Variants in GOLGA6B observed in about 807,000 individuals in gnomAD.
The protein encoded by GOLGA6B is golgin A6 family member B.
Under a neutral mutation model 63.0 loss-of-function variants are expected in GOLGA6B, and 11 were observed. That is an observed-to-expected ratio of 0.17 (90% CI 0.11 to 0.29). The LOEUF (loss-of-function observed/expected upper bound fraction) is 0.29, where lower values mean the gene tolerates loss of function less well. GOLGA6B is among the 10% of genes least tolerant of loss of function. The pLI, the probability that GOLGA6B is intolerant of heterozygous loss-of-function variation, is 1.00. For missense variants in GOLGA6B, 134 were observed against 563.8 expected, an observed-to-expected ratio of 0.24 and a Z score of 7.72; for synonymous variants, 46 against 232.6, an observed-to-expected ratio of 0.20 and a Z score of 7.30.
chr15:72,664,722 G>C, intron 13 of GOLGA6B: 1 of 552,056 alleles, frequency 1.8e-6, no homozygotes, highest in Admixed American at 3.2e-5. Context: ...GACCAGATCA[G>C]AAAGGGAGCA....
At chr15:72,657,401 C>A (rs1020324931) in intron 2 of GOLGA6B, among the ~76,000 whole-genome samples, 13 of 151,462 alleles carry the variant, frequency 8.6e-5, no homozygotes, top group African/African-American at 3.2e-4. Flanking sequence ...ACTTTTCCAT[C>A]TATTTTTTTC....
chr15:72,662,116 G>C (rs1196908471), intron 10 of GOLGA6B, 136 bp from the exon 11 acceptor site: 11 of 897,594 alleles, frequency 1.2e-5, no homozygotes, highest in Admixed American at 3.3e-5. Flanking sequence ...GGAATGATTA[G>C]CAGTGAGGCC....
chr15:72,660,487 G>A (rs2064590239), intron 7 of GOLGA6B, among the ~76,000 whole-genome samples: 1 of 28,018 alleles, frequency 3.6e-5, no homozygotes, highest in Non-Finnish European at 6.6e-5. Flanking sequence ...CCTGGCTGTG[G>A]CCTTGGCCAA....
At position 72,669,216 on chromosome 15, in the gene GOLGA6B, T is replaced by C. The variant is rs1454139556; in HGVS notation, c.*2874T>C. ...AAGTCAGTTCTAAAACCAAAGCTGA[T>C]ATTTAGAAAATGTGAAAATGTAAAT... On this transcript the variant is annotated 3_prime_UTR_variant, in exon 18 of 18. Transcript: ENST00000421285. Among the ~76,000 whole-genome samples the C allele has an allele frequency of 3.9e-5, 6 of 152,402 alleles. No homozygotes were observed. The highest frequency in any genetic ancestry group is 1.4e-4 in the African/African-American group (6 of 41,604).
At chr15:72,665,218 G>T (rs1289461937) in intron 14 of GOLGA6B, among the ~76,000 whole-genome samples, 183 bp downstream of exon 14, 1 of 121,840 alleles carries the variant, frequency 8.2e-6, no homozygotes, top group East Asian at 3.3e-4. Context: ...AAGGGAAGGG[G>T]TTGTTCTCCA....
rs1166575005 is a variant in GOLGA6B at position 72,662,537 on chromosome 15, G to A, written c.1133G>A (p.Gly378Asp). The A allele has an allele frequency of 6.2e-6, 9 of 1,457,520 alleles. 1 individual carries two copies. In the African/African-American group the frequency reaches 7.3e-5, roughly 12 times the overall value. The allele number at this position is 1,457,520 out of a possible 1,614,324, so 90.3% of individuals were successfully genotyped here. A position where few individuals can be genotyped will look rare whatever the true frequency, so the allele number is the denominator to read the frequency against. Residue 378 changes from glycine (G) to aspartate (D), a missense_variant, in exon 11 of 18, where the codon GGT becomes GAT. Transcript: ENST00000421285. ...REQQKTLQEQ[G>D]ERLRKQEQRL... Reference sequence around the variant, plus strand: ...CAGCAGAAGACGCTACAGGAGCAGGGTGAGAGGCTGCGAAAGCAGGAGCAG... The same window carrying A: ...CAGCAGAAGACGCTACAGGAGCAGGATGAGAGGCTGCGAAAGCAGGAGCAG...
rs1478659714 is a variant in GOLGA6B at position 72,664,028 on chromosome 15, C to T, written c.1426-408C>T. ...TGGAGCAAGGGACCAGGGTCCTGGG[C>T]AGGTGACAGAGCCCCACGGTGCCCT... On this transcript the variant is annotated intron_variant, in intron 12 of 17. Transcript: ENST00000421285. Among the ~76,000 whole-genome samples, 4 of 129,714 alleles carry T rather than the reference C, an allele frequency of 3.1e-5. 2 individuals are homozygous for T. The highest frequency in any genetic ancestry group is 6.9e-5 in the Non-Finnish European group (4 of 57,644). The allele number at this position is 129,714 out of a possible 152,430, so 85.1% of individuals were successfully genotyped here.
chr15:72,663,955 G>C lies in GOLGA6B; in HGVS notation c.1426-481G>C, dbSNP rs1219420028. Among the ~76,000 whole-genome samples the C allele has an allele frequency of 9.2e-5, 12 of 130,384 alleles. 1 individual carries two copies. Among genetic ancestry groups the C allele is most frequent in the African/African-American group, 3.2e-4 (12 of 37,848 alleles). 85.5% of individuals were successfully genotyped at this position (130,384 alleles called of 152,430 possible). A position where few individuals can be genotyped will look rare whatever the true frequency, so the allele number is the denominator to read the frequency against. On this transcript the variant is annotated intron_variant, in intron 12 of 17. Transcript: ENST00000421285. ...GAAGAAGGACATGAGATTTGAGGCT[G>C]GGGAAGGAGGTATGGGGTTCTAGGC...
rs1420769250 is a variant in GOLGA6B, at chr15:72,662,172, T to C, written c.848-80T>C. ...GAGCTGTGCATCAAGAGGAGGTTTT[T>C]TTTTTTTTTTTTTTTGAGGGGGATG... On this transcript the variant is annotated intron_variant, in intron 10 of 17. Transcript: ENST00000421285. 35 of 1,293,812 alleles carry C rather than the reference T, an allele frequency of 2.7e-5. 1 individual carries two copies. The East Asian group carries it at 8.8e-4, about 32-fold the overall frequency. The allele number at this position is 1,293,812 out of a possible 1,614,324, so 80.1% of individuals were successfully genotyped here.
At chr15:72,657,297 G>A (rs1363835523) in intron 2 of GOLGA6B, among the ~76,000 whole-genome samples, 1 of 115,790 alleles carries the variant, frequency 8.6e-6, no homozygotes, top group African/African-American at 3.3e-5. Flanking sequence ...CAGATTCATC[G>A]CCCATGTCCT....
chr15:72,666,271 G>T lies in GOLGA6B; in HGVS notation c.2011G>T (p.Glu671Ter), dbSNP rs2064639359. 6.3e-7 allele frequency: 1 copy of T among 1,599,048 alleles called. No individual in the cohort carries two copies. The highest frequency in any genetic ancestry group is 8.5e-7 in the Non-Finnish European group (1 of 1,175,268). The change falls in exon 18 of 18, where the codon GAG (glutamate) becomes TAG (stop). Residue 671 changes from glutamate (E) to a stop codon, truncating the protein, a stop_gained. Coordinates refer to ENST00000421285, the MANE Select transcript of GOLGA6B (RefSeq NM_018652.5). LOFTEE classifies it low-confidence loss of function (END_TRUNC). ...GGAGCCTGCACCAGGAGCGGCCAGG[G>T]AGGGTTCTCCCCATGACAACCCCAC... ...NVEPAPGAAR[E>*]GSPHDNPTVQ...
rs1401378742 is a variant in GOLGA6B, at chr15:72,664,075, A to T, written c.1426-361A>T. 3.9e-5 allele frequency among the ~76,000 whole-genome samples: 5 copies of T among 129,818 alleles called. 2 individuals are homozygous for T. The highest frequency in any genetic ancestry group is 3.8e-4 in the Admixed American group (5 of 13,088). 85.2% of individuals were successfully genotyped at this position (129,818 alleles called of 152,430 possible). On this transcript the variant is annotated intron_variant, in intron 12 of 17. Transcript: ENST00000421285. ...CCCTCGCTACCCTATTAATGGGCCC[A>T]GAATCTGGAAGCCAGCCACCATGTG...
rs1185546206 is a variant in GOLGA6B, at chr15:72,664,347, C to A, written c.1426-89C>A. 5.7e-5 allele frequency: 71 copies of A among 1,256,254 alleles called. 12 individuals carry two copies. The Admixed American group carries it at 1.4e-3, about 25-fold the overall frequency. The allele number at this position is 1,256,254 out of a possible 1,614,324, so 77.8% of individuals were successfully genotyped here. On this transcript the variant is annotated intron_variant, in intron 12 of 17. Transcript: ENST00000421285. Reference sequence around the variant, plus strand: ...ATGGCCGGCCAAAAGTTGCAGGAGACCCAGGGGAGGCAGTTGCTGAGGACG... The same window carrying A: ...ATGGCCGGCCAAAAGTTGCAGGAGAACCAGGGGAGGCAGTTGCTGAGGACG...
At chr15:72,665,439 G>GGGA in intron 14 of GOLGA6B, among the ~76,000 whole-genome samples, 157 bp from the exon 15 acceptor site, 1 of 8,782 alleles carries the variant, frequency 1.1e-4, no homozygotes, top group East Asian at 5.2e-3. Flanking sequence ...CCCAGCCCCA[G>GGGA]GGAGTGGGGG....
In GOLGA6B at chr15:72,664,496, G is replaced by C. The variant is rs754190772; in HGVS notation, c.1486G>C (p.Ala496Pro). The C allele has an allele frequency of 1.5e-6, 2 of 1,356,890 alleles. 1 individual carries two copies. Among genetic ancestry groups the C allele is most frequent in the Non-Finnish European group, 2.0e-6 (2 of 995,150 alleles). The allele number at this position is 1,356,890 out of a possible 1,614,324, so 84.1% of individuals were successfully genotyped here. Residue 496 changes from alanine (A) to proline (P), a missense_variant, in exon 13 of 18, where the codon GCT (alanine) becomes CCT (proline). Ala to Pro is a conservative substitution (Grantham distance 27). Coordinates refer to ENST00000421285, the MANE Select transcript of GOLGA6B (RefSeq NM_018652.5). ...QQLETQLSLV[A>P]LPGEGDGGQH... ...GCTAGAGACCCAGCTAAGCCTCGTG[G>C]CTCTCCCGGGAGAAGGTACAGGAGA...
rs866439005 is a variant in GOLGA6B at position 72,662,174 on chromosome 15, T to G, written c.848-78T>G. 28,471 of 1,297,582 alleles carry G rather than the reference T, an allele frequency of 0.022. 2,304 individuals are homozygous for G. In the African/African-American group the frequency reaches 0.29, roughly 13 times the overall value. The allele number at this position is 1,297,582 out of a possible 1,614,324, so 80.4% of individuals were successfully genotyped here. The stretch of plus-strand genomic sequence containing the variant: ...GCTGTGCATCAAGAGGAGGTTTTTT[T>G]TTTTTTTTTTTTTGAGGGGGATGTG... On this transcript the variant is annotated intron_variant, in intron 10 of 17. Coordinates refer to ENST00000421285, the MANE Select transcript of GOLGA6B (RefSeq NM_018652.5).
Position 72,662,273 on chromosome 15 carries a change from C to A in GOLGA6B, c.869C>A (p.Pro290His). 7.2e-7 allele frequency: 1 copy of A among 1,386,538 alleles called. No homozygotes were observed. Among genetic ancestry groups the A allele is most frequent in the Non-Finnish European group, 9.8e-7 (1 of 1,024,004 alleles). The allele number at this position is 1,386,538 out of a possible 1,614,324, so 85.9% of individuals were successfully genotyped here. The change falls in exon 11 of 18, where the codon CCC becomes CAC. Residue 290 changes from proline to histidine, a missense_variant. Physicochemically the swap from Pro to His is moderately conservative, Grantham distance 77 (BLOSUM62 -2). Coordinates refer to ENST00000421285, the MANE Select transcript of GOLGA6B (RefSeq NM_018652.5). ...NQMAKPPSLA[P>H]PAVTSVVEQL... is the part of the protein sequence containing the mutation. Reference sequence around the variant, plus strand: ...TCAGCTAAGCCCCCATCCCTGGCGCCCCCAGCAGTGACCTCTGTGGTGGAA... The same window carrying A: ...TCAGCTAAGCCCCCATCCCTGGCGCACCCAGCAGTGACCTCTGTGGTGGAA...
chr15:72,664,346 A>G lies in GOLGA6B; in HGVS notation c.1426-90A>G. On this transcript the variant is annotated intron_variant, in intron 12 of 17. Transcript: ENST00000421285. ...GATGGCCGGCCAAAAGTTGCAGGAG[A>G]CCCAGGGGAGGCAGTTGCTGAGGAC... 2.4e-6 allele frequency: 3 copies of G among 1,252,578 alleles called. 1 individual carries two copies. The highest frequency in any genetic ancestry group is 3.3e-6 in the Non-Finnish European group (3 of 910,020). 77.6% of individuals were successfully genotyped at this position (1,252,578 alleles called of 1,614,324 possible).
Position 72,664,564 on chromosome 15 carries a change from C to T in GOLGA6B, c.1501+53C>T, listed in dbSNP as rs1403508242. On this transcript the variant is annotated intron_variant, in intron 13 of 17. Coordinates refer to ENST00000421285, the MANE Select transcript of GOLGA6B (RefSeq NM_018652.5). Reference sequence around the variant, plus strand: ...AGAGAGCCCCAGGAGGAAGGGGGGACTGTTAGCAGCATAGGATTGAGGGGT... The same window carrying T: ...AGAGAGCCCCAGGAGGAAGGGGGGATTGTTAGCAGCATAGGATTGAGGGGT... 4 of 1,144,544 alleles carry T rather than the reference C, an allele frequency of 3.5e-6. No individual in the cohort carries two copies. In the African/African-American group the frequency reaches 6.2e-5, roughly 18 times the overall value. The allele number at this position is 1,144,544 out of a possible 1,614,324, so 70.9% of individuals were successfully genotyped here.
Sources: allele counts gnomAD v4.1 joint callset (sites outside exome capture counted in the v4.1 genomes callset), GRCh38; gene constraint gnomAD v4.1.1; transcripts MANE v1.5; gene names NCBI Gene and HGNC (gene_info 2026-07-23, HGNC 2026-07-21).